The following MAP1LC3A variants were observed in gnomAD, a reference collection of about 807,000 sequenced individuals.
MAP1LC3A encodes the protein microtubule associated protein 1 light chain 3 alpha.
Under a neutral mutation model 15.2 loss-of-function variants are expected in MAP1LC3A, and 10 were observed. The ratio of observed to expected loss-of-function variants is 0.66; its 90% CI spans 0.41 to 1.12. MAP1LC3A has a LOEUF of 1.12. Ranked by LOEUF, MAP1LC3A falls within the 50% of genes most tolerant of loss-of-function variation. The probability of loss-of-function intolerance (pLI) is 0.00; values close to 1 mark genes in which losing one functional copy is unlikely to be tolerated. For synonymous variants in MAP1LC3A, 63 were observed against 64.3 expected (o/e 0.98, Z 0.10); for missense variants, 138 against 167.3 (o/e 0.82, Z 0.97).
Position 34,551,438 on chromosome 20 carries a change from C to A in MAP1LC3A, c.52+1409C>A, listed in dbSNP as rs996368054. Among the ~76,000 whole-genome samples the A allele has an allele frequency of 1.1e-4, 16 of 150,606 alleles. 1 individual carries two copies. The East Asian group carries it at 3.1e-3, about 29-fold the overall frequency. On this transcript the variant is annotated intron_variant, in intron 2 of 4. Transcript: ENST00000374837. ...GGGCGTGCAGGTAGACTGGTGAGGC[C>A]CAAGGAACCTTCCAAGGGGAACGCT...
upstream of MAP1LC3A, chr20:34,558,027 G>GGAGGT: frequency 1.0e-6 from 1 of 972,372 alleles, no homozygotes; most frequent in Non-Finnish European, 1.2e-6. The surrounding 1 kb of genome is among the most constrained non-coding windows in gnomAD (Gnocchi z 4.3). Context: ...AACTGTCTCT[G>GGAGGT]CAGGTCTTTC....
At chr20:34,548,554 A>G (rs1464107795) in intron 1 of MAP1LC3A, among the ~76,000 whole-genome samples, 2 of 152,150 alleles carry the variant, frequency 1.3e-5, no homozygotes, top group Admixed American at 6.5e-5. Flanking sequence ...GAGGCCCTGC[A>G]TGGGCTGTGG....
At chr20:34,553,263 T>C (rs760961940) in intron 2 of MAP1LC3A, among the ~76,000 whole-genome samples, 2 of 152,014 alleles carry the variant, frequency 1.3e-5, no homozygotes, top group Non-Finnish European at 2.9e-5. Context: ...CTGGAGCACA[T>C]TTTAGGGGAA....
chr20:34,553,130 G>A (rs6087598), intron 2 of MAP1LC3A, among the ~76,000 whole-genome samples: 55,591 of 151,898 alleles, frequency 0.37, 10,570 homozygotes, highest in Admixed American at 0.54. Context: ...CGGAGGTTGC[G>A]GTACGCCAAT....
intron 3 of MAP1LC3A, 134 bp downstream of exon 3, chr20:34,559,587 T>G: frequency 8.1e-7 from 1 of 1,236,482 alleles, no homozygotes; most frequent in Admixed American, 2.0e-5. Flanking sequence ...GCTGGAAAGG[T>G]CAAGGTCGGG....
intron 2 of MAP1LC3A, 33 bp from the exon 3 acceptor site, chr20:34,559,312 CGA>C: frequency 6.3e-7 from 1 of 1,580,266 alleles, no homozygotes; most frequent in Non-Finnish European, 8.6e-7. Context: ...CGCGCGTTCC[CGA>C]CACGACCCCC....
chr20:34,559,487 G>C, intron 3 of MAP1LC3A, 34 bp downstream of exon 3: 1 of 1,576,898 alleles, frequency 6.3e-7, no homozygotes, highest in African/African-American at 1.3e-5. Context: ...AGGTGGCTAG[G>C]GTCGGGAGGG....
chr20:34,550,028 A>T lies in MAP1LC3A; in HGVS notation c.51A>T (p.Pro17=), dbSNP rs148704271. 3.1e-6 allele frequency: 5 copies of T among 1,614,052 alleles called. No individual in the cohort carries two copies. The African/African-American group carries it at 6.7e-5, about 22-fold the overall frequency. Residue 17 remains proline, a splice_region_variant and synonymous_variant, in exon 2 of 5, where the codon CCA becomes CCT. Transcript: ENST00000374837. ...CATGTGGAAAAGCAGCTGTGGACCC[A>T]GGTCTGTCTGGCCCGCCTGCCGTTG...
intron 1 of MAP1LC3A, among the ~76,000 whole-genome samples, chr20:34,549,156 G>A (rs1981852715): frequency 2.0e-5 from 3 of 152,214 alleles, no homozygotes; most frequent in Admixed American, 2.0e-4. Flanking sequence ...TTCCCAAGTA[G>A]CTGGGATTGC....
At position 34,559,926 on chromosome 20, in the gene MAP1LC3A, A is replaced by AGTC. The variant is rs1982377636; in HGVS notation, c.*30_*32dup. On this transcript the variant is annotated 3_prime_UTR_variant, in exon 4 of 4. Transcript: ENST00000360668. ...CAGCAGTAGGGGGGCTCGGCCTGGG[A>AGTC]GTCGGGCGGCCCCGGTCAGGCCCTG... is the stretch of plus-strand genomic sequence containing the variant. The AGTC allele has an allele frequency of 6.3e-7, 1 of 1,597,940 alleles. No homozygotes were observed. Among genetic ancestry groups the AGTC allele is most frequent in the African/African-American group, 1.3e-5 (1 of 74,452 alleles).
intron 2 of MAP1LC3A, among the ~76,000 whole-genome samples, chr20:34,550,818 T>C (rs951999173): frequency 1.3e-5 from 2 of 152,126 alleles, no homozygotes; most frequent in Non-Finnish European, 2.9e-5. Context: ...TAAAAATATA[T>C]ATATATCCAC....
chr20:34,553,710 GCTGT>G (rs1445003793), intron 2 of MAP1LC3A, among the ~76,000 whole-genome samples: 1 of 152,128 alleles, frequency 6.6e-6, no homozygotes, highest in Non-Finnish European at 1.5e-5. Flanking sequence ...TCTCATTTAG[GCTGT>G]CTAAGGCCAC....
chr20:34,556,774 T>C (rs1011915399), upstream of MAP1LC3A, among the ~76,000 whole-genome samples: 3 of 152,236 alleles, frequency 2.0e-5, no homozygotes, highest in Admixed American at 1.3e-4. Flanking sequence ...CTAATCTTTG[T>C]ATTTTTAGTA....
upstream of MAP1LC3A, among the ~76,000 whole-genome samples, chr20:34,556,693 T>A (rs553277793): frequency 8.4e-4 from 128 of 151,980 alleles, no homozygotes; most frequent in Middle Eastern, 3.4e-3. Context: ...GCCTAGCAGG[T>A]TCAAGCAATT....
At chr20:34,549,070 G>A (rs181799198) in intron 1 of MAP1LC3A, among the ~76,000 whole-genome samples, 3 of 151,648 alleles carry the variant, frequency 2.0e-5, no homozygotes, top group Admixed American at 2.0e-4. Context: ...CTATCACCCA[G>A]GCTAGAGGGC....
intron 1 of MAP1LC3A, chr20:34,549,817 T>C: frequency 1.6e-6 from 1 of 624,394 alleles, no homozygotes; most frequent in Non-Finnish European, 2.9e-6. Context: ...ATTTCAGCAC[T>C]TCTGGTTCAG....
At chr20:34,550,865 T>C (rs1981921833) in intron 2 of MAP1LC3A, among the ~76,000 whole-genome samples, 1 of 152,258 alleles carries the variant, frequency 6.6e-6, no homozygotes, top group African/African-American at 2.4e-5. Flanking sequence ...AGCAGTTTTA[T>C]TCACAATCAC....
At position 34,559,622 on chromosome 20, in the gene MAP1LC3A, G is replaced by A. The variant is rs941836747; in HGVS notation, c.204-114G>A. 1.4e-5 allele frequency: 18 copies of A among 1,313,552 alleles called. No individual in the cohort carries two copies. The African/African-American group carries it at 2.6e-4, about 19-fold the overall frequency. 81.4% of individuals were successfully genotyped at this position (1,313,552 alleles called of 1,614,324 possible). On this transcript the variant is annotated intron_variant, in intron 3 of 3. Coordinates refer to ENST00000360668, the MANE Select transcript of MAP1LC3A (RefSeq NM_032514.4). Reference sequence around the variant, plus strand: ...GGCTGCAGTCGGTGTTGGGTCAGAGGTGACAGCTGGGGTGAGAATGGGTGT... The same window carrying A: ...GGCTGCAGTCGGTGTTGGGTCAGAGATGACAGCTGGGGTGAGAATGGGTGT...
chr20:34,557,385 C>T (rs937908139), upstream of MAP1LC3A, among the ~76,000 whole-genome samples: 6 of 151,896 alleles, frequency 4.0e-5, no homozygotes, highest in Non-Finnish European at 8.8e-5. Context: ...ATCTGAAATA[C>T]ACACCTGACT....
Sources: allele counts gnomAD v4.1 joint callset (sites outside exome capture counted in the v4.1 genomes callset), GRCh38; gene constraint gnomAD v4.1.1; non-coding constraint Gnocchi (gnomAD v3.1); transcripts MANE v1.5; gene names NCBI Gene and HGNC (gene_info 2026-07-23, HGNC 2026-07-21).